Variants in PTPRK observed in about 807,000 individuals in gnomAD.
The protein encoded by PTPRK is receptor-type tyrosine-protein phosphatase kappa.
A neutral mutation model predicts 178.0 loss-of-function variants in PTPRK; 75 were observed. That is an observed-to-expected ratio of 0.42 (90% confidence interval 0.35 to 0.51). The LOEUF (loss-of-function observed/expected upper bound fraction) is 0.51. Among genes scored for constraint, PTPRK ranks in the 20% least tolerant of loss-of-function variants. PTPRK has a pLI of 0.02. For synonymous variants in PTPRK, 637 were observed against 620.6 expected (o/e 1.03, Z -0.39); for missense variants, 1,441 against 1,797.8 (o/e 0.80, Z 3.59).
At chr6:128,010,482 C>A (rs1358322763) in intron 13 of PTPRK, among the ~76,000 whole-genome samples, 7 of 151,248 alleles carry the variant, frequency 4.6e-5, no homozygotes, top group African/African-American at 1.2e-4. Context: ...CTCCTCTTGG[C>A]TTCTCTATCC....
At chr6:128,316,366 C>A (rs762959821) in intron 3 of PTPRK, among the ~76,000 whole-genome samples, 1 of 151,984 alleles carries the variant, frequency 6.6e-6, no homozygotes, top group African/African-American at 2.4e-5. Context: ...TTCTCCTGAC[C>A]GCTCATTATT....
chr6:128,475,898 C>T (rs190062719), intron 1 of PTPRK, among the ~76,000 whole-genome samples: 1 of 152,072 alleles, frequency 6.6e-6, no homozygotes, highest in East Asian at 1.9e-4. Flanking sequence ...CCATTATACA[C>T]GATGTTCAGT....
Position 128,322,161 on chromosome 6 carries a change from T to C in PTPRK, c.373A>G (p.Ile125Val), listed in dbSNP as rs774646180. 1 of 1,613,940 alleles carries C rather than the reference T, an allele frequency of 6.2e-7. No individual in the cohort carries two copies. Among genetic ancestry groups the C allele is most frequent in the South Asian group, 1.1e-5 (1 of 91,086 alleles). ...QKGLNPGTLN[I>V]LVRVNKGPLA... ...GGTCCTTTATTCACCCTAACTAATA[T>C]GTTCAAAGTGCCAGGATTCAGTCCT... is the stretch of plus-strand genomic sequence containing the variant. The change falls in exon 3 of 30, where the codon ATA becomes GTA. Residue 125 changes from isoleucine to valine, a missense_variant. By Grantham distance (29) the Ile-to-Val change is conservative. Around this residue, in one of 4 missense-constraint regions of PTPRK, gnomAD observed 158 missense variants for 188.0 expected, o/e 0.84. Coordinates refer to ENST00000368226, the MANE Select transcript of PTPRK (RefSeq NM_002844.4).
intron 3 of PTPRK, among the ~76,000 whole-genome samples, chr6:128,300,311 G>T (rs59132771): frequency 0.13 from 19,207 of 151,886 alleles, 1,882 homozygotes; most frequent in African/African-American, 0.28. Context: ...GAAGTCAGTG[G>T]GGGGATTCCT....
chr6:128,334,630 A>T (rs927402731), intron 2 of PTPRK, among the ~76,000 whole-genome samples: 1 of 152,234 alleles, frequency 6.6e-6, no homozygotes, highest in Non-Finnish European at 1.5e-5. Flanking sequence ...AACAAGGATC[A>T]TCAGGTCACA....
chr6:128,365,240 AG>A (rs1835323722), intron 2 of PTPRK, among the ~76,000 whole-genome samples: 1 of 152,052 alleles, frequency 6.6e-6, no homozygotes, highest in Non-Finnish European at 1.5e-5. Context: ...GGCTTTTGTT[AG>A]GGGTACTGTC....
chr6:128,403,598 A>G (rs1841299622), intron 1 of PTPRK, among the ~76,000 whole-genome samples: 1 of 152,136 alleles, frequency 6.6e-6, no homozygotes, highest in African/African-American at 2.4e-5. Flanking sequence ...TGGTTAAAAA[A>G]GCATCCTTAT....
intron 1 of PTPRK, among the ~76,000 whole-genome samples, chr6:128,409,918 T>C (rs12110431): frequency 0.25 from 37,424 of 152,132 alleles, 6,135 homozygotes; most frequent in African/African-American, 0.47. Context: ...ATTGCCCAGT[T>C]TCAGGTATGT....
At chr6:128,088,951 T>C (rs2115021652) in intron 8 of PTPRK, among the ~76,000 whole-genome samples, 1 of 152,296 alleles carries the variant, frequency 6.6e-6, no homozygotes, top group South Asian at 2.1e-4. Flanking sequence ...GGGTAAGCAG[T>C]ATAAACAGTG....
chr6:128,013,544 C>A (rs1779277093), intron 13 of PTPRK, among the ~76,000 whole-genome samples: 1 of 151,406 alleles, frequency 6.6e-6, no homozygotes, highest in African/African-American at 2.4e-5. Context: ...CAGTAAATGG[C>A]AAAACTATCC....
At chr6:128,453,998 A>G (rs1848102352) in intron 1 of PTPRK, among the ~76,000 whole-genome samples, 1 of 152,176 alleles carries the variant, frequency 6.6e-6, no homozygotes, top group Admixed American at 6.5e-5. Flanking sequence ...AAGACACAAT[A>G]CACAATAACA....
intron 1 of PTPRK, among the ~76,000 whole-genome samples, chr6:128,511,582 G>C (rs1299655724): frequency 2.0e-5 from 3 of 152,152 alleles, no homozygotes; most frequent in African/African-American, 7.2e-5. Context: ...ACTAAACTAA[G>C]CAGGCAGAGA....
Position 128,192,840 on chromosome 6 carries a change from G to A in PTPRK, c.869-8115C>T, listed in dbSNP as rs190716348. 8.1e-5 allele frequency among the ~76,000 whole-genome samples: 12 copies of A among 147,496 alleles called. No individual in the cohort carries two copies. The East Asian group carries it at 1.8e-3, about 22-fold the overall frequency. ...TCAGAAAAAGGGAAGGGAAGGGAAG[G>A]GGAGGGGAGGGGAGGGCATGGAGGA... On this transcript the variant is annotated intron_variant, in intron 6 of 29. Coordinates refer to ENST00000368226, the MANE Select transcript of PTPRK (RefSeq NM_002844.4).
Position 128,426,738 on chromosome 6 carries a change from C to T in PTPRK, c.101-29050G>A, listed in dbSNP as rs190574750. Among the ~76,000 whole-genome samples the T allele has an allele frequency of 5.3e-5, 8 of 152,216 alleles. No individual in the cohort carries two copies. In the East Asian group the frequency reaches 1.2e-3, roughly 22 times the overall value. ...GGCTTTTCTATAACCCATGTTTTGGCGGGAAAAGTGAAACAAAAACATTTG... is the reference window on the plus strand; with the variant it reads ...GGCTTTTCTATAACCCATGTTTTGGTGGGAAAAGTGAAACAAAAACATTTG... On this transcript the variant is annotated intron_variant, in intron 1 of 29. Transcript: ENST00000368226.
intron 5 of PTPRK, among the ~76,000 whole-genome samples, chr6:128,223,156 T>C (rs990886639): frequency 2.0e-5 from 3 of 149,762 alleles, no homozygotes; most frequent in Admixed American, 2.0e-4. Flanking sequence ...GTCTCATTTA[T>C]ATATATTTTT....
chr6:128,146,414 G>A (rs1433916858), intron 7 of PTPRK, among the ~76,000 whole-genome samples: 2 of 150,340 alleles, frequency 1.3e-5, no homozygotes, highest in East Asian at 1.9e-4. Context: ...GTTTATGTGT[G>A]TGTGTGTTTA....
At chr6:128,503,726 T>A (rs1021165054) in intron 1 of PTPRK, among the ~76,000 whole-genome samples, 4 of 152,098 alleles carry the variant, frequency 2.6e-5, no homozygotes, top group African/African-American at 9.7e-5. Flanking sequence ...CAAGCTAGAG[T>A]GCAGTGCCCA....
chr6:128,361,772 C>G (rs556785281), intron 2 of PTPRK, among the ~76,000 whole-genome samples: 1 of 152,104 alleles, frequency 6.6e-6, no homozygotes, highest in South Asian at 2.1e-4. Context: ...ATTGTATATA[C>G]GCAGTCTATC....
chr6:128,241,193 T>G (rs779874109), intron 4 of PTPRK: 1 of 531,820 alleles, frequency 1.9e-6, no homozygotes, highest in Non-Finnish European at 3.9e-6. Flanking sequence ...ATCTGACCCT[T>G]ACTGGCTACA....
Sources: gnomAD v4.1 joint callset for allele counts (sites outside exome capture counted in the v4.1 genomes callset) on GRCh38, gnomAD v4.1.1 for gene constraint, gnomAD v4.1.1 regional missense constraint, MANE v1.5 for transcripts, NCBI Gene and HGNC (gene_info 2026-07-23, HGNC 2026-07-21) for gene names.